Variants in HDAC4 observed in about 807,000 individuals in gnomAD.
The protein encoded by HDAC4 is histone deacetylase A.
HDAC4 carries 16 observed loss-of-function variants against 135.1 expected under a neutral mutation model. The ratio of observed to expected loss-of-function variants is 0.12; its 90% CI spans 0.08 to 0.18. HDAC4 has a LOEUF of 0.18. Ranked by LOEUF, HDAC4 falls within the 10% of genes least tolerant of loss-of-function variation. The pLI is 1.00. For synonymous variants in HDAC4, 685 were observed against 653.4 expected, an observed-to-expected ratio of 1.05 and a Z score of -0.74; for missense variants, 1,143 against 1,511.8, an observed-to-expected ratio of 0.76 and a Z score of 4.05.
intron 5 of HDAC4, among the ~76,000 whole-genome samples, chr2:239,171,215 T>C (rs1036407802): frequency 2.7e-5 from 4 of 149,852 alleles, no homozygotes; most frequent in African/African-American, 9.8e-5. Context: ...CAGGAAAGCC[T>C]TGCCACAGGG....
In HDAC4 at chr2:239,052,804, G is replaced by A. The variant is rs1304350005; in HGVS notation, c.*293C>T. On this transcript the variant is annotated 3_prime_UTR_variant, in exon 27 of 27. Coordinates refer to ENST00000543185, the MANE Select transcript of HDAC4 (RefSeq NM_001378414.1). ...GCCACAGGCTCCTTTCTTCCACGGC[G>A]TCCCTTGCGGGACCCGCCAGAGTGT... 1.1e-5 allele frequency: 5 copies of A among 445,790 alleles called. No homozygotes were observed. Among genetic ancestry groups the A allele is most frequent in the South Asian group, 3.4e-5 (1 of 29,690 alleles). 27.6% of individuals were successfully genotyped at this position (445,790 alleles called of 1,614,324 possible).
intron 3 of HDAC4, among the ~76,000 whole-genome samples, chr2:239,210,863 CT>C (rs1291173148): frequency 6.6e-6 from 1 of 152,186 alleles, no homozygotes; most frequent in Non-Finnish European, 1.5e-5. Context: ...CAACCAGCTC[CT>C]GCGGCACCTT....
chr2:239,328,767 C>T (rs953675854), intron 2 of HDAC4, among the ~76,000 whole-genome samples: 1 of 152,212 alleles, frequency 6.6e-6, no homozygotes, highest in African/African-American at 2.4e-5. Flanking sequence ...CGCCCGCTGG[C>T]CCTCTTTATC....
Position 239,400,583 on chromosome 2 carries a change from T to G in HDAC4, c.-220+395A>C, listed in dbSNP as rs1696910444. On this transcript the variant is annotated intron_variant, in intron 1 of 26. Transcript: ENST00000543185. The surrounding 1 kb of genome is among the most constrained non-coding windows in gnomAD (Gnocchi z 4.7). The stretch of plus-strand genomic sequence containing the variant: ...CCCACGGCCGCGCGCGGGGCGGGTG[T>G]GGACCGGCGGCGTCCACCTGCCGCG... The G allele has an allele frequency of 2.1e-5, 3 of 144,016 alleles. No individual in the cohort carries two copies. Among genetic ancestry groups the G allele is most frequent in the South Asian group, 4.2e-4 (2 of 4,746 alleles). The allele number at this position is 144,016 out of a possible 1,614,324, so 8.9% of individuals were successfully genotyped here. A position where few individuals can be genotyped will look rare whatever the true frequency, so the allele number is the denominator to read the frequency against.
intron 2 of HDAC4, among the ~76,000 whole-genome samples, chr2:239,283,488 G>A (rs1432258347): frequency 6.6e-6 from 1 of 152,224 alleles, no homozygotes; most frequent in Non-Finnish European, 1.5e-5. Context: ...AGGGGCCTGG[G>A]ACGCCACTGC....
chr2:239,161,398 G>T (rs1295339764), intron 6 of HDAC4, among the ~76,000 whole-genome samples: 2 of 152,066 alleles, frequency 1.3e-5, no homozygotes, highest in Admixed American at 1.3e-4. Context: ...GTTTCTACTA[G>T]GTCTCCTTCC....
At chr2:239,365,869 C>G (rs1015265933) in intron 1 of HDAC4, among the ~76,000 whole-genome samples, 1 of 151,290 alleles carries the variant, frequency 6.6e-6, no homozygotes, top group Admixed American at 6.6e-5. Flanking sequence ...CAGGGTCACA[C>G]GCGTGGCACT....
At chr2:239,099,586 G>A (rs1256983522) in intron 16 of HDAC4, among the ~76,000 whole-genome samples, 1 of 152,162 alleles carries the variant, frequency 6.6e-6, no homozygotes, top group African/African-American at 2.4e-5. Flanking sequence ...TCAGTGCCTC[G>A]ATGCATGGCC....
chr2:239,108,853 C>T (rs3791407), intron 14 of HDAC4, among the ~76,000 whole-genome samples: 19,564 of 152,300 alleles, frequency 0.13, 1,498 homozygotes, highest in East Asian at 0.29. Context: ...GGACGGGCCC[C>T]CAGGGTGCGG....
At chr2:239,383,764 C>T (rs572887374) in intron 1 of HDAC4, among the ~76,000 whole-genome samples, 14 of 152,290 alleles carry the variant, frequency 9.2e-5, no homozygotes, top group African/African-American at 2.9e-4. Context: ...CCTCCCTCAA[C>T]GATGGCCGGG....
chr2:239,258,460 T>C (rs1258578246), intron 2 of HDAC4, among the ~76,000 whole-genome samples: 2 of 152,190 alleles, frequency 1.3e-5, no homozygotes, highest in African/African-American at 4.8e-5. Context: ...TGACTGGTGA[T>C]TTCTCAACGG....
intron 3 of HDAC4, among the ~76,000 whole-genome samples, chr2:239,235,372 C>A (rs1279641562): frequency 1.3e-5 from 2 of 152,220 alleles, no homozygotes; most frequent in East Asian, 3.9e-4. Flanking sequence ...TGGCTTCAAG[C>A]TGGCTTCAAC....
chr2:239,190,228 C>G (rs1388485950), intron 3 of HDAC4, 151 bp from the exon 4 acceptor site: 3 of 1,118,714 alleles, frequency 2.7e-6, no homozygotes, highest in African/African-American at 1.6e-5. Flanking sequence ...CCCTGTCCCC[C>G]TCTTGCCCAA....
intron 2 of HDAC4, among the ~76,000 whole-genome samples, chr2:239,289,016 T>C (rs1388756713): frequency 6.6e-6 from 1 of 152,200 alleles, no homozygotes; most frequent in African/African-American, 2.4e-5. Flanking sequence ...GCAGCGCCTG[T>C]CAAGGAGACA....
chr2:239,312,576 TTCAGCAGAAGCCAAG>T (rs2052934921), intron 2 of HDAC4, among the ~76,000 whole-genome samples: 1 of 152,218 alleles, frequency 6.6e-6, no homozygotes, highest in Non-Finnish European at 1.5e-5. Context: ...GCTGCTGGGC[TTCAGCAGAAGCCAAG>T]TCACCTTTCC....
At position 239,111,559 on chromosome 2, in the gene HDAC4, G is replaced by T; in HGVS notation, c.1945C>A (p.Gln649Lys). 6.2e-7 allele frequency: 1 copy of T among 1,612,398 alleles called. No individual in the cohort carries two copies. Among genetic ancestry groups the T allele is most frequent in the Non-Finnish European group, 8.5e-7 (1 of 1,179,756 alleles). Reference protein sequence around the residue: ...PASATFPVSVQEPPTKPRFTT... With the variant: ...PASATFPVSVKEPPTKPRFTT... ...AACCTCGGCTTGGTGGGGGGCTCCT[G>T]CACAGACACGGGGAAGGTGGCAGAC... is the stretch of plus-strand genomic sequence containing the variant. The change falls in exon 14 of 27, where the codon CAG becomes AAG. Residue 649 changes from glutamine (Q) to lysine (K), a missense_variant. By Grantham distance (53) the Gln-to-Lys change is moderately conservative (BLOSUM62 1). This residue lies in a region of HDAC4 where 196 missense variants were observed against 210.7 expected (regional missense o/e 0.93). Transcript: ENST00000543185.
At chr2:239,114,651 TCTTGA>T (rs1396663155) in intron 13 of HDAC4, among the ~76,000 whole-genome samples, 1 of 152,160 alleles carries the variant, frequency 6.6e-6, no homozygotes, top group Non-Finnish European at 1.5e-5. Flanking sequence ...TCACAAAAGG[TCTTGA>T]CTTCTGATCA....
intron 3 of HDAC4, among the ~76,000 whole-genome samples, chr2:239,203,616 T>C (rs1156299724): frequency 6.6e-6 from 1 of 152,042 alleles, no homozygotes; most frequent in African/African-American, 2.4e-5. Context: ...CTGTCTTCTG[T>C]AAAAGGAGGG....
chr2:239,159,243 ACGCT>A (rs1285447451), intron 6 of HDAC4, among the ~76,000 whole-genome samples: 3 of 143,538 alleles, frequency 2.1e-5, no homozygotes, highest in Non-Finnish European at 3.0e-5. Context: ...TTCACACCTG[ACGCT>A]CGCACCTACA....
Sources: gnomAD v4.1 joint callset for allele counts (sites outside exome capture counted in the v4.1 genomes callset) on GRCh38, gnomAD v4.1.1 for gene constraint, gnomAD v4.1.1 regional missense constraint, Gnocchi (gnomAD v3.1) non-coding constraint, MANE v1.5 for transcripts, NCBI Gene and HGNC (gene_info 2026-07-23, HGNC 2026-07-21) for gene names.